The following CYSTM1 variants were observed in gnomAD, a reference collection of about 807,000 sequenced individuals.
The protein encoded by CYSTM1 is cysteine rich transmembrane module containing 1, also known as cysteine-rich transmembrane module-containing protein 1.
CYSTM1 carries 4 observed loss-of-function variants against 13.1 expected under a neutral mutation model. The ratio of observed to expected loss-of-function variants is 0.31; its 90% CI spans 0.15 to 0.70. The LOEUF (loss-of-function observed/expected upper bound fraction) is 0.70. Among genes scored for constraint, CYSTM1 ranks in the 30% least tolerant of loss-of-function variants. CYSTM1 has a pLI of 0.72. For missense variants in CYSTM1, 96 were observed against 121.6 expected, an observed-to-expected ratio of 0.79 and a Z score of 0.99; for synonymous variants, 36 against 42.7, an observed-to-expected ratio of 0.84 and a Z score of 0.62.
chr5:140,216,227 T>A (rs1259820039), intron 2 of CYSTM1, among the ~76,000 whole-genome samples: 1 of 152,170 alleles, frequency 6.6e-6, no homozygotes, highest in East Asian at 1.9e-4. Flanking sequence ...TCTTAAGGAG[T>A]GATTATCAGC....
chr5:140,179,280 T>C (rs1436725117), intron 1 of CYSTM1, among the ~76,000 whole-genome samples: 15 of 143,686 alleles, frequency 1.0e-4, no homozygotes, highest in African/African-American at 3.1e-4. Context: ...AAAAAATGGC[T>C]GGGCACGGTG....
intron 2 of CYSTM1, among the ~76,000 whole-genome samples, chr5:140,209,272 T>C (rs1764335228): frequency 6.7e-6 from 1 of 148,890 alleles, no homozygotes; most frequent in South Asian, 2.1e-4. Context: ...TTCTTTTCTT[T>C]TTTTTTTTTT....
chr5:140,215,406 A>G (rs1764414278), intron 2 of CYSTM1, among the ~76,000 whole-genome samples: 1 of 152,064 alleles, frequency 6.6e-6, no homozygotes, highest in African/African-American at 2.4e-5. Context: ...GTCCAGAGCG[A>G]TCAGTGGTCC....
intron 2 of CYSTM1, among the ~76,000 whole-genome samples, chr5:140,222,576 G>A (rs931869531): frequency 6.6e-6 from 1 of 152,260 alleles, no homozygotes; most frequent in African/African-American, 2.4e-5. Flanking sequence ...AAAATACTGA[G>A]ATCAGTTCCA....
chr5:140,181,205 G>A (rs1278110889), intron 1 of CYSTM1, among the ~76,000 whole-genome samples: 2 of 152,112 alleles, frequency 1.3e-5, no homozygotes, highest in Non-Finnish European at 1.5e-5. Context: ...GTGAAGAGGG[G>A]GACATTTGTA....
At chr5:140,237,143 G>A (rs1005584114) in intron 2 of CYSTM1, among the ~76,000 whole-genome samples, 1 of 152,204 alleles carries the variant, frequency 6.6e-6, no homozygotes, top group Non-Finnish European at 1.5e-5. Flanking sequence ...TGTTGTGACT[G>A]TGGACAGAGT....
rs1764777302 is a variant in CYSTM1 at position 140,243,416 on chromosome 5, A to ACCAGC, written c.*12_*16dup. On this transcript the variant is annotated 3_prime_UTR_variant, in exon 3 of 3. Transcript: ENST00000261811. ...CTCTGGGACATGCTCACCTGACCAG[A>ACCAGC]CCAGCCCAGCCGTCCTGTCCTGCCA... 1.1e-5 allele frequency: 18 copies of ACCAGC among 1,613,440 alleles called. No homozygotes were observed. Among genetic ancestry groups the ACCAGC allele is most frequent in the Non-Finnish European group, 1.5e-5 (18 of 1,179,804 alleles).
chr5:140,196,837 ATGGTTACTCCTGGC>A (rs1252880252), intron 2 of CYSTM1, among the ~76,000 whole-genome samples: 2 of 152,228 alleles, frequency 1.3e-5, no homozygotes, highest in African/African-American at 4.8e-5. Flanking sequence ...GATCAAAATA[ATGGTTACTCCTGGC>A]TGTGGAGTTG....
intron 2 of CYSTM1, among the ~76,000 whole-genome samples, chr5:140,197,486 A>G (rs559972681): frequency 7.2e-4 from 109 of 152,224 alleles, no homozygotes; most frequent in African/African-American, 2.5e-3. Flanking sequence ...TCTGCACCCA[A>G]ACATAGCAGG....
intron 2 of CYSTM1, among the ~76,000 whole-genome samples, chr5:140,232,414 G>T (rs1033444871): frequency 3.3e-5 from 5 of 152,178 alleles, no homozygotes; most frequent in Admixed American, 6.5e-5. Context: ...AAAGATGGCA[G>T]TGTAGGGCTG....
intron 2 of CYSTM1, among the ~76,000 whole-genome samples, chr5:140,209,682 C>G (rs1292732105): frequency 6.6e-6 from 1 of 152,134 alleles, no homozygotes; most frequent in African/African-American, 2.4e-5. Flanking sequence ...CCTGCCTTGC[C>G]CTCCCAAAGT....
chr5:140,206,915 C>T (rs1293659307), intron 2 of CYSTM1, among the ~76,000 whole-genome samples: 1 of 152,158 alleles, frequency 6.6e-6, no homozygotes, highest in Non-Finnish European at 1.5e-5. Context: ...GGATTACAGG[C>T]GTGTGCCACC....
chr5:140,181,236 G>T (rs1466152213), intron 1 of CYSTM1, among the ~76,000 whole-genome samples: 1 of 152,166 alleles, frequency 6.6e-6, no homozygotes, highest in African/African-American at 2.4e-5. Context: ...TATTCTGTGA[G>T]CCCTTATTGT....
At chr5:140,232,157 G>T (rs2126670962) in intron 2 of CYSTM1, among the ~76,000 whole-genome samples, 1 of 152,344 alleles carries the variant, frequency 6.6e-6, no homozygotes, top group Non-Finnish European at 1.5e-5. Flanking sequence ...GGTGTTTACA[G>T]AGGTTGGGAA....
chr5:140,221,995 T>G (rs771532266), intron 2 of CYSTM1, among the ~76,000 whole-genome samples: 1 of 152,256 alleles, frequency 6.6e-6, no homozygotes, highest in African/African-American at 2.4e-5. Flanking sequence ...TTGTCACTTA[T>G]TGGTGGGCAC....
At chr5:140,222,021 G>A (rs539348185) in intron 2 of CYSTM1, among the ~76,000 whole-genome samples, 6 of 152,356 alleles carry the variant, frequency 3.9e-5, no homozygotes, top group East Asian at 1.9e-4. Flanking sequence ...TAGGCAGTGC[G>A]CCTTACTACC....
At chr5:140,218,030 G>C (rs1444022547) in intron 2 of CYSTM1, among the ~76,000 whole-genome samples, 1 of 152,110 alleles carries the variant, frequency 6.6e-6, no homozygotes. Context: ...GAGAAAAGTG[G>C]TGACTGTGAG....
At chr5:140,200,163 G>A (rs1201013187) in intron 2 of CYSTM1, 1 of 152,220 alleles carries the variant, frequency 6.6e-6, no homozygotes, top group Non-Finnish European at 1.5e-5. Flanking sequence ...TGTTGCCATT[G>A]CTTTTGGTGT....
chr5:140,187,934 C>T (rs919190474), intron 1 of CYSTM1, among the ~76,000 whole-genome samples: 24 of 151,620 alleles, frequency 1.6e-4, no homozygotes, highest in African/African-American at 5.8e-4. Flanking sequence ...ACAAAAATCA[C>T]CTTAAAAAGC....
Sources: allele counts gnomAD v4.1 joint callset (sites outside exome capture counted in the v4.1 genomes callset), GRCh38; gene constraint gnomAD v4.1.1; transcripts MANE v1.5; gene names NCBI Gene and HGNC (gene_info 2026-07-23, HGNC 2026-07-21).